ZNF333: variants seen among roughly 807,000 people sequenced by gnomAD.
ZNF333 encodes zinc finger protein 333.
In ZNF333, 61 loss-of-function variants were observed where a neutral mutation model predicts 76.1. The observed-to-expected ratio is 0.80, with a 90% confidence interval of 0.65 to 0.99. The LOEUF is 0.99. Ranked by LOEUF, ZNF333 falls within the 50% of genes least tolerant of loss-of-function variation. The pLI, the probability that ZNF333 is intolerant of heterozygous loss-of-function variation, is 0.00. For synonymous variants in ZNF333, 284 were observed against 305.0 expected (o/e 0.93, Z 0.72); for missense variants, 717 against 822.4 (o/e 0.87, Z 1.57).
chr19:14,719,389 T>A lies in ZNF333; in HGVS notation c.*64T>A. ...CTTTCCCTCGTAATACTCCTTTAGC[T>A]GCATCCTGTGTTTCAATGTATAATA... On this transcript the variant is annotated 3_prime_UTR_variant, in exon 12 of 12. Coordinates refer to ENST00000292530, the MANE Select transcript of ZNF333 (RefSeq NM_032433.4). 6.8e-7 allele frequency: 1 copy of A among 1,467,904 alleles called. No homozygotes were observed. Among genetic ancestry groups the A allele is most frequent in the South Asian group, 1.4e-5 (1 of 73,668 alleles). The allele number at this position is 1,467,904 out of a possible 1,614,324, so 90.9% of individuals were successfully genotyped here.
In ZNF333 at chr19:14,731,464, C is replaced by T. The variant is rs1415444321; in HGVS notation, c.*278C>T. On this transcript the variant is annotated 3_prime_UTR_variant, in exon 12 of 12. Transcript: ENST00000540689. ...CTGTGTGGGTCTTTGTTTCCCCAGC[C>T]GTGCAATGACTGTTAGATGCAGAAA... The T allele has an allele frequency of 1.5e-5, 7 of 469,898 alleles. No individual in the cohort carries two copies. The East Asian group carries it at 1.8e-4, about 12-fold the overall frequency. 29.1% of individuals were successfully genotyped at this position (469,898 alleles called of 1,614,324 possible). A position where few individuals can be genotyped will look rare whatever the true frequency, so the allele number is the denominator to read the frequency against.
intron 7 of ZNF333, chr19:14,708,306 C>T (rs1000373204): frequency 5.0e-6 from 2 of 401,032 alleles, no homozygotes; most frequent in East Asian, 3.6e-5. Context: ...CCGTGCCTGA[C>T]CTATTTTGTT....
chr19:14,731,363 T>C lies in ZNF333; in HGVS notation c.*177T>C, dbSNP rs939631451. On this transcript the variant is annotated 3_prime_UTR_variant, in exon 12 of 12. Transcript: ENST00000540689. ...CCAGTTCCGTGACATCCGGGCTCCTTAACTTCCGGCTTCCGGGAGCTTAGT... is the reference window on the plus strand; with the variant it reads ...CCAGTTCCGTGACATCCGGGCTCCTCAACTTCCGGCTTCCGGGAGCTTAGT... 20 of 630,908 alleles carry C rather than the reference T, an allele frequency of 3.2e-5. 1 individual carries two copies. The highest frequency in any genetic ancestry group is 2.1e-4 in the South Asian group (10 of 47,956). The allele number at this position is 630,908 out of a possible 1,614,324, so 39.1% of individuals were successfully genotyped here.
rs1180289973 is a variant in ZNF333 at position 14,715,443 on chromosome 19, T to TCC, written c.574_575dup (p.Gly193LeufsTer40). Reference sequence around the variant, plus strand: ...ACAAAGTGGAGGAAGAAGCTATGGCTCCTGGGCTGCCAACCGCCTGTTCAC... The same window carrying TCC: ...ACAAAGTGGAGGAAGAAGCTATGGCTCCCCTGGGCTGCCAACCGCCTGTTCAC... On this transcript the variant is annotated frameshift_variant, in exon 8 of 12. Transcript: ENST00000292530. LOFTEE classifies it high-confidence loss of function. The TCC allele has an allele frequency of 1.2e-6, 2 of 1,613,936 alleles. No individual in the cohort carries two copies. The highest frequency in any genetic ancestry group is 1.7e-6 in the Non-Finnish European group (2 of 1,179,940).
chr19:14,703,202 C>CAA lies in ZNF333; in HGVS notation c.307-1833_307-1832dup, dbSNP rs35839207. ...CCTGGGCGACAGCAAGACTCCGTCTCAAAAAAAAAAAAAAAAAAAACCATC... is the reference window on the plus strand; with the variant it reads ...CCTGGGCGACAGCAAGACTCCGTCTCAAAAAAAAAAAAAAAAAAAAAACCATC... On this transcript the variant is annotated intron_variant, in intron 5 of 11. Coordinates refer to ENST00000292530, the MANE Select transcript of ZNF333 (RefSeq NM_032433.4). Among the ~76,000 whole-genome samples, 446 of 72,850 alleles carry CAA rather than the reference C, an allele frequency of 6.1e-3. 8 individuals carry two copies. Among genetic ancestry groups the CAA allele is most frequent in the Non-Finnish European group, 8.3e-3 (311 of 37,480 alleles). 47.8% of individuals were successfully genotyped at this position (72,850 alleles called of 152,430 possible).
rs761968696 is a variant in ZNF333 at position 14,693,725 on chromosome 19, C to T, written c.3+231C>T. ...CCACAGCAGACCCTGGGGCTCTGAG[C>T]GGAGCTCCTCCAGGGCCATCCTTGT... On this transcript the variant is annotated intron_variant, in intron 2 of 11. Transcript: ENST00000292530. 5.9e-5 allele frequency among the ~76,000 whole-genome samples: 9 copies of T among 152,140 alleles called. 1 individual carries two copies. The South Asian group carries it at 8.3e-4, about 14-fold the overall frequency.
At chr19:14,706,026 C>T in intron 6 of ZNF333, 2 of 448,866 alleles carry the variant, frequency 4.5e-6, no homozygotes, top group Non-Finnish European at 9.0e-6. Context: ...CTGCATGTAC[C>T]CCCCAACCTC....
At chr19:14,712,053 C>T (rs1337236824) in intron 7 of ZNF333, among the ~76,000 whole-genome samples, 1 of 150,864 alleles carries the variant, frequency 6.6e-6, no homozygotes, top group East Asian at 2.0e-4. Context: ...GGGAGAGGGG[C>T]TTGGGGGTGA....
rs1011007353 is a variant in ZNF333, at chr19:14,717,799, T to C, written c.900+66T>C. On this transcript the variant is annotated intron_variant, in intron 11 of 11. Coordinates refer to ENST00000292530, the MANE Select transcript of ZNF333 (RefSeq NM_032433.4). ...GATGAGTCTGGGGTTAACCGTAAGT[T>C]AGAAAAGCAGCCCAAGAGCCAAGAG... is the stretch of plus-strand genomic sequence containing the variant. 1.3e-5 allele frequency: 20 copies of C among 1,521,138 alleles called. No individual in the cohort carries two copies. The East Asian group carries it at 2.0e-4, about 15-fold the overall frequency. The allele number at this position is 1,521,138 out of a possible 1,614,324, so 94.2% of individuals were successfully genotyped here.
rs1013903134 is a variant in ZNF333, at chr19:14,715,423, G to A, written c.553G>A (p.Val185Met). Residue 185 changes from valine to methionine, a missense_variant, in exon 8 of 12, where the codon GTG becomes ATG. Coordinates refer to ENST00000292530, the MANE Select transcript of ZNF333 (RefSeq NM_032433.4). ...RDPAWLQEDK[V>M]EEEAMAPGLP... ...CCCTGCCTGGCTTCAGGAGGACAAA[G>A]TGGAGGAAGAAGCTATGGCTCCTGG... 3 of 1,614,086 alleles carry A rather than the reference G, an allele frequency of 1.9e-6. No individual in the cohort carries two copies. Among genetic ancestry groups the A allele is most frequent in the Non-Finnish European group, 2.5e-6 (3 of 1,179,964 alleles).
At chr19:14,698,123 T>C (rs1292138306) in intron 4 of ZNF333, among the ~76,000 whole-genome samples, 5 of 152,080 alleles carry the variant, frequency 3.3e-5, no homozygotes, top group Admixed American at 6.6e-5. Flanking sequence ...TGGTGGCTCA[T>C]GCCTGCAGTC....
chr19:14,718,090 G>T (rs915234363), intron 11 of ZNF333, 138 bp from the exon 12 acceptor site: 12 of 1,207,696 alleles, frequency 9.9e-6, no homozygotes, highest in Middle Eastern at 2.8e-4. Context: ...AGGAACTCTG[G>T]ATAGAAATGG....
Position 14,693,510 on chromosome 19 carries a change from G to T in ZNF333, c.3+16G>T. 6.3e-7 allele frequency: 1 copy of T among 1,599,534 alleles called. No individual in the cohort carries two copies. Among genetic ancestry groups the T allele is most frequent in the Middle Eastern group, 1.8e-4 (1 of 5,706 alleles). The stretch of plus-strand genomic sequence containing the variant: ...CAGTGTCATGGTGAGGAAACTGGGG[G>T]CTCCTGTGGCTGAAGGGGTGGATAT... On this transcript the variant is annotated intron_variant, in intron 2 of 11. Coordinates refer to ENST00000292530, the MANE Select transcript of ZNF333 (RefSeq NM_032433.4).
rs769554495 is a variant in ZNF333, at chr19:14,705,109, C to T, written c.362C>T (p.Thr121Ile). The change falls in exon 6 of 12, where the codon ACA becomes ATA. Residue 121 changes from threonine to isoleucine, a missense_variant. Transcript: ENST00000292530. ...GTGCCCTCCATAGAAGAGAGGGAGACACCATTGACTCGAGAGGACCGGCCA... is the reference window on the plus strand; with the variant it reads ...GTGCCCTCCATAGAAGAGAGGGAGATACCATTGACTCGAGAGGACCGGCCA... ...QLVPSIEERE[T>I]PLTREDRPAL... is the part of the protein sequence containing the mutation. The T allele has an allele frequency of 6.2e-7, 1 of 1,614,044 alleles. No individual in the cohort carries two copies. The highest frequency in any genetic ancestry group is 1.1e-5 in the South Asian group (1 of 91,084).
chr19:14,701,486 C>A, intron 5 of ZNF333: 1 of 722,608 alleles, frequency 1.4e-6, no homozygotes, highest in Non-Finnish European at 1.7e-6. Context: ...TGTCATGTAG[C>A]CCCCAGTGCT....
intron 4 of ZNF333, among the ~76,000 whole-genome samples, chr19:14,696,861 C>G (rs557211047): frequency 6.7e-6 from 1 of 150,268 alleles, no homozygotes; most frequent in African/African-American, 2.4e-5. Flanking sequence ...GCCTGAGTCT[C>G]CTGAGTAGCT....
intron 5 of ZNF333, 55 bp from the exon 6 acceptor site, chr19:14,704,999 A>T: frequency 6.4e-7 from 1 of 1,563,076 alleles, no homozygotes; most frequent in Admixed American, 1.8e-5. Flanking sequence ...TCTCGGGCTG[A>T]GAACAGCTGT....
intron 1 of ZNF333, among the ~76,000 whole-genome samples, chr19:14,691,149 C>T (rs1351303306): frequency 1.3e-5 from 2 of 152,062 alleles, no homozygotes; most frequent in East Asian, 3.8e-4. Flanking sequence ...TTTTGTTTTT[C>T]TTTATTTTCT....
chr19:14,720,584 T>C lies in ZNF333; in HGVS notation c.*1259T>C. ...CCCATACATGAAAAATATGCACTTC[T>C]TACTGGTACAGTTTTCTTTTGTTTG... On this transcript the variant is annotated 3_prime_UTR_variant, in exon 12 of 12. Coordinates refer to ENST00000292530, the MANE Select transcript of ZNF333 (RefSeq NM_032433.4). 2 of 985,484 alleles carry C rather than the reference T, an allele frequency of 2.0e-6. No individual in the cohort carries two copies. The highest frequency in any genetic ancestry group is 2.4e-6 in the Non-Finnish European group (2 of 829,938). The allele number at this position is 985,484 out of a possible 1,614,324, so 61.0% of individuals were successfully genotyped here. A position where few individuals can be genotyped will look rare whatever the true frequency, so the allele number is the denominator to read the frequency against.
Sources: allele counts gnomAD v4.1 joint callset (sites outside exome capture counted in the v4.1 genomes callset), GRCh38; gene constraint gnomAD v4.1.1; transcripts MANE v1.5; gene names NCBI Gene and HGNC (gene_info 2026-07-23, HGNC 2026-07-21).